Variants in GRTP1 observed in about 807,000 individuals in gnomAD.
GRTP1 encodes the protein growth hormone regulated TBC protein 1.
In GRTP1, 56 loss-of-function variants were observed where a neutral mutation model predicts 38.1. The ratio of observed to expected loss-of-function variants is 1.47; its 90% confidence interval spans 1.19 to 1.84. GRTP1 has a LOEUF of 1.84. Among genes scored for constraint, GRTP1 ranks in the 40% most tolerant of loss-of-function variants. The pLI, the probability that GRTP1 is intolerant of heterozygous loss-of-function variation, is 0.00. For missense variants in GRTP1, 506 were observed against 453.9 expected, an observed-to-expected ratio of 1.11 and a Z score of -1.04; for synonymous variants, 217 against 189.5, an observed-to-expected ratio of 1.14 and a Z score of -1.19.
Position 113,325,808 on chromosome 13 carries a change from GC to G in GRTP1, c.773del (p.Gly258AlafsTer10), listed in dbSNP as rs748699246. ...LRIWDCLFNE[G>X]SKIIFRVALT... ...GGGCCACCCGGAAGATAATCTTCGA[GC>G]CTTCGTTAAACAAACAGTCCCAGAT... On this transcript the variant is annotated frameshift_variant, in exon 7 of 8. Coordinates refer to ENST00000375431, the MANE Select transcript of GRTP1 (RefSeq NM_024719.4). LOFTEE classifies it high-confidence loss of function. 1.8e-5 allele frequency: 29 copies of G among 1,613,940 alleles called. No homozygotes were observed. In the South Asian group the frequency reaches 3.2e-4, roughly 18 times the overall value.
intron 5 of GRTP1, among the ~76,000 whole-genome samples, chr13:113,334,280 A>ACTGCCCCCCCCCCCCCCCCCCCCCCCC (rs1202504022): frequency 7.0e-6 from 1 of 142,480 alleles, no homozygotes; most frequent in Non-Finnish European, 1.5e-5. Context: ...CACTGCCACG[A>ACTGCCCCCCCCCCCCCCCCCCCCCCCC]CAGCCTCCCG....
rs2139445038 is a variant in GRTP1, at chr13:113,342,975, C to T, written c.562+1888G>A. Among the ~76,000 whole-genome samples the T allele has an allele frequency of 6.6e-6, 1 of 152,178 alleles. No individual in the cohort carries two copies. The highest frequency in any genetic ancestry group is 2.1e-4 in the South Asian group (1 of 4,818). On this transcript the variant is annotated intron_variant, in intron 5 of 7. Coordinates refer to ENST00000375431, the MANE Select transcript of GRTP1 (RefSeq NM_024719.4). This position sits in a 1 kb window ranked among gnomAD's most constrained non-coding sequence, Gnocchi z 4.5. ...CCCTCTAGGTTGGTGCTGAGCCCTC[C>T]GACCTGAGCTCTCACCTGCTGCTGC...
chr13:113,357,636 T>C (rs1029146219), intron 2 of GRTP1, among the ~76,000 whole-genome samples: 1 of 152,180 alleles, frequency 6.6e-6, no homozygotes, highest in Non-Finnish European at 1.5e-5. Context: ...TAATTCAGCC[T>C]GACTTTCCTC....
chr13:113,330,177 GTGCGTGGATGGAAACCCAGA>G lies in GRTP1; in HGVS notation c.563-4106_563-4087del, dbSNP rs1339738838. Among the ~76,000 whole-genome samples the G allele has an allele frequency of 1.2e-3, 171 of 148,646 alleles. 6 individuals carry two copies. Among genetic ancestry groups the G allele is most frequent in the African/African-American group, 4.0e-3 (157 of 39,510 alleles). On this transcript the variant is annotated intron_variant, in intron 5 of 7. Transcript: ENST00000375431. ...CTCAGGTGCGTGCATGGGAGCCCAG[GTGCGTGGATGGAAACCCAGA>G]TGTGTGCATGGGAGCCCAGGTGCGT...
intron 7 of GRTP1, chr13:113,325,258 C>T (rs999975029): frequency 2.4e-6 from 3 of 1,241,520 alleles, no homozygotes; most frequent in Non-Finnish European, 3.0e-6. Flanking sequence ...CTGAGCCTCT[C>T]CTGGCGTCTT....
At chr13:113,352,270 T>A (rs5024391) in intron 3 of GRTP1, among the ~76,000 whole-genome samples, 1,576 of 33,660 alleles carry the variant, frequency 0.047, 13 homozygotes, top group African/African-American at 0.055. Context: ...ATTTTTATAT[T>A]TTTATATATA....
chr13:113,326,534 G>T (rs868518184), intron 5 of GRTP1, among the ~76,000 whole-genome samples: 6 of 152,220 alleles, frequency 3.9e-5, no homozygotes, highest in South Asian at 2.1e-4. Context: ...AGCCAGGTGT[G>T]GTGGTGGGCA....
Position 113,343,292 on chromosome 13 carries a change from C to T in GRTP1, c.562+1571G>A, listed in dbSNP as rs932529590. 2.6e-5 allele frequency among the ~76,000 whole-genome samples: 4 copies of T among 152,140 alleles called. No individual in the cohort carries two copies. Among genetic ancestry groups the T allele is most frequent in the Non-Finnish European group, 4.4e-5 (3 of 68,032 alleles). On this transcript the variant is annotated intron_variant, in intron 5 of 7. Coordinates refer to ENST00000375431, the MANE Select transcript of GRTP1 (RefSeq NM_024719.4). The surrounding 1 kb of genome is among the most constrained non-coding windows in gnomAD (Gnocchi z 4.8). ...GTTCACCGAACTGAGCTGAGACAGC[C>T]GGCATCCTTTCCGCCCTGCGAGGTT...
chr13:113,350,696 T>C (rs2043248069), intron 4 of GRTP1, among the ~76,000 whole-genome samples, 153 bp downstream of exon 4: 1 of 152,112 alleles, frequency 6.6e-6, no homozygotes, highest in Non-Finnish European at 1.5e-5. Flanking sequence ...TCCTCCCTGC[T>C]GGGAAATGGC....
At chr13:113,327,283 A>G (rs2042788599) in intron 5 of GRTP1, among the ~76,000 whole-genome samples, 1 of 152,280 alleles carries the variant, frequency 6.6e-6, no homozygotes, top group South Asian at 2.1e-4. Context: ...GGTTCAAGCA[A>G]TTCTCCTGCC....
At chr13:113,357,422 C>T (rs901347652) in intron 2 of GRTP1, among the ~76,000 whole-genome samples, 3 of 115,350 alleles carry the variant, frequency 2.6e-5, no homozygotes, top group African/African-American at 1.0e-4. Context: ...TCCAGCCTGG[C>T]GACAGAGTGA....
intron 2 of GRTP1, among the ~76,000 whole-genome samples, chr13:113,360,979 G>C (rs1297901879): frequency 6.6e-6 from 1 of 151,768 alleles, no homozygotes; most frequent in Non-Finnish European, 1.5e-5. Context: ...GCATGGTGGC[G>C]AGTGCCTGTA....
Position 113,343,398 on chromosome 13 carries a change from G to A in GRTP1, c.562+1465C>T, listed in dbSNP as rs978909790. Among the ~76,000 whole-genome samples, 10 of 152,166 alleles carry A rather than the reference G, an allele frequency of 6.6e-5. No homozygotes were observed. Among genetic ancestry groups the A allele is most frequent in the Admixed American group, 4.6e-4 (7 of 15,274 alleles). ...CTCTTCCCACTCCCGGGAGCTCTGT[G>A]GGGTTCCCTTCCTCTGGGGCGGCTC... On this transcript the variant is annotated intron_variant, in intron 5 of 7. Transcript: ENST00000375431. This position sits in a 1 kb window ranked among gnomAD's most constrained non-coding sequence, Gnocchi z 4.8.
intron 5 of GRTP1, among the ~76,000 whole-genome samples, chr13:113,335,008 G>T (rs950124338): frequency 6.6e-6 from 1 of 151,750 alleles, no homozygotes; most frequent in Non-Finnish European, 1.5e-5. Context: ...ATTTTTAGTA[G>T]ACACGGGGTT....
chr13:113,355,240 G>T, intron 3 of GRTP1, 83 bp downstream of exon 3: 1 of 1,454,544 alleles, frequency 6.9e-7, no homozygotes, highest in Non-Finnish European at 9.4e-7. Flanking sequence ...CTCACCCCTG[G>T]ACGCTGAGGC....
intron 2 of GRTP1, among the ~76,000 whole-genome samples, chr13:113,360,608 A>G (rs1294016302): frequency 6.6e-6 from 1 of 152,206 alleles, no homozygotes; most frequent in Non-Finnish European, 1.5e-5. Context: ...ACTGGGACCC[A>G]GGCCCCAGGC....
chr13:113,357,586 A>G (rs1334981363), intron 2 of GRTP1, among the ~76,000 whole-genome samples: 1 of 152,146 alleles, frequency 6.6e-6, no homozygotes, highest in Admixed American at 6.5e-5. Context: ...CATGAAAAAC[A>G]TGTTTTGCTT....
chr13:113,325,418 G>C (rs1326888011), intron 7 of GRTP1: 5 of 1,441,794 alleles, frequency 3.5e-6, no homozygotes, highest in Admixed American at 5.7e-5. Flanking sequence ...GATGAGTACA[G>C]CCATTAGGAC....
chr13:113,347,828 G>C (rs1235286642), intron 4 of GRTP1, among the ~76,000 whole-genome samples: 1 of 149,936 alleles, frequency 6.7e-6, no homozygotes. Flanking sequence ...CTGTGGCAGA[G>C]AGCAGACCCG....
Sources: allele counts gnomAD v4.1 joint callset (sites outside exome capture counted in the v4.1 genomes callset), GRCh38; gene constraint gnomAD v4.1.1; non-coding constraint Gnocchi (gnomAD v3.1); transcripts MANE v1.5; gene names NCBI Gene and HGNC (gene_info 2026-07-23, HGNC 2026-07-21).